The following CNTN4 variants were observed in gnomAD, a reference collection of about 807,000 sequenced individuals.
CNTN4 encodes the protein contactin-4.
In CNTN4, 77 loss-of-function variants were observed where a neutral mutation model predicts 122.5. The ratio of observed to expected loss-of-function variants is 0.63; its 90% confidence interval spans 0.52 to 0.76. CNTN4 has a LOEUF of 0.76. CNTN4 is among the 30% of genes least tolerant of loss of function. CNTN4 has a pLI of 0.00. For missense variants in CNTN4, 1,256 were observed against 1,259.1 expected (o/e 1.00, Z 0.04); for synonymous variants, 512 against 447.0 (o/e 1.15, Z -1.83).
At chr3:2,902,055 T>G (rs755440204) in intron 11 of CNTN4, among the ~76,000 whole-genome samples, 1 of 152,206 alleles carries the variant, frequency 6.6e-6, no homozygotes, top group African/African-American at 2.4e-5. Flanking sequence ...GGCTTGTTTC[T>G]TAATGTGAGG....
chr3:2,769,750 A>G (rs986410787), intron 6 of CNTN4, among the ~76,000 whole-genome samples: 2 of 152,198 alleles, frequency 1.3e-5, no homozygotes, highest in African/African-American at 2.4e-5. Flanking sequence ...CATACAGATG[A>G]TAGAATGGGT....
At chr3:3,042,244 C>A in intron 20 of CNTN4, 66 bp from the exon 21 acceptor site, 1 of 1,096,756 alleles carries the variant, frequency 9.1e-7, no homozygotes, top group Non-Finnish European at 1.4e-6. Flanking sequence ...CCTTATAATG[C>A]TAGTATCTAC....
chr3:2,901,357 C>T (rs1045663383), intron 11 of CNTN4, among the ~76,000 whole-genome samples: 1 of 152,188 alleles, frequency 6.6e-6, no homozygotes, highest in African/African-American at 2.4e-5. Flanking sequence ...GAGAGGCAGT[C>T]TTTCATGCTC....
At chr3:2,456,326 T>C (rs1255009911) in intron 3 of CNTN4, among the ~76,000 whole-genome samples, 1 of 152,158 alleles carries the variant, frequency 6.6e-6, no homozygotes, top group Non-Finnish European at 1.5e-5. Context: ...TTATGAATGT[T>C]ATCTCAAATT....
chr3:2,397,893 T>A (rs929313030), intron 3 of CNTN4, among the ~76,000 whole-genome samples: 15 of 152,150 alleles, frequency 9.9e-5, no homozygotes, highest in Admixed American at 2.0e-4. Context: ...TTAAATAGAT[T>A]ACATTTTTTA....
At chr3:2,483,725 C>A (rs1042424532) in intron 3 of CNTN4, among the ~76,000 whole-genome samples, 2 of 152,172 alleles carry the variant, frequency 1.3e-5, no homozygotes, top group African/African-American at 4.8e-5. Context: ...TCTCTCCTGC[C>A]ACCCTGTGAA....
rs182970179 is a variant in CNTN4, at chr3:2,587,916, A to C, written c.55+16358A>C. Among the ~76,000 whole-genome samples, 277 of 152,064 alleles carry C rather than the reference A, an allele frequency of 1.8e-3. 3 individuals carry two copies. The highest frequency in any genetic ancestry group is 6.5e-3 in the African/African-American group (269 of 41,460). ...CTGGTTTTGTGACTTTGATCAAATC[A>C]CTCTGCCTCTCAGGATTTCAGACTC... On this transcript the variant is annotated intron_variant, in intron 4 of 24. Transcript: ENST00000418658.
chr3:2,163,952 C>G (rs547791038), intron 2 of CNTN4, among the ~76,000 whole-genome samples: 22 of 151,890 alleles, frequency 1.4e-4, no homozygotes, highest in Non-Finnish European at 1.2e-4. Context: ...CCTTAAGGAA[C>G]TAAAAGAGAG....
At chr3:2,486,030 C>T (rs1010393704) in intron 3 of CNTN4, among the ~76,000 whole-genome samples, 4 of 152,118 alleles carry the variant, frequency 2.6e-5, no homozygotes, top group Non-Finnish European at 5.9e-5. Flanking sequence ...TCTTTGGGTC[C>T]ACACTGCCTT....
intron 4 of CNTN4, among the ~76,000 whole-genome samples, chr3:2,631,135 C>T (rs1346632066): frequency 6.6e-6 from 1 of 152,044 alleles, no homozygotes; most frequent in Admixed American, 6.6e-5. Context: ...GCTTTATTTC[C>T]ATATTTGTTA....
At chr3:2,440,300 A>G (rs2048388958) in intron 3 of CNTN4, among the ~76,000 whole-genome samples, 1 of 152,222 alleles carries the variant, frequency 6.6e-6, no homozygotes, top group Non-Finnish European at 1.5e-5. Flanking sequence ...CGGCAAAGGT[A>G]CGAGCTGATG....
intron 3 of CNTN4, among the ~76,000 whole-genome samples, chr3:2,538,591 C>G (rs1290471079): frequency 6.6e-6 from 1 of 151,950 alleles, no homozygotes; most frequent in African/African-American, 2.4e-5. Flanking sequence ...GTTAAAAATT[C>G]TGCAGAGTGG....
intron 3 of CNTN4, among the ~76,000 whole-genome samples, chr3:2,542,651 G>A (rs887775724): frequency 6.6e-6 from 1 of 152,088 alleles, no homozygotes; most frequent in African/African-American, 2.4e-5. Context: ...GTTTCAGGGT[G>A]GCAAGATCAA....
intron 6 of CNTN4, among the ~76,000 whole-genome samples, chr3:2,777,670 T>C (rs530568777): frequency 6.6e-6 from 1 of 152,358 alleles, no homozygotes; most frequent in Admixed American, 6.5e-5. Flanking sequence ...ATTCTTGGTT[T>C]ATTTGGGAGG....
At chr3:2,593,097 C>G (rs1295741267) in intron 4 of CNTN4, among the ~76,000 whole-genome samples, 1 of 152,112 alleles carries the variant, frequency 6.6e-6, no homozygotes, top group Non-Finnish European at 1.5e-5. Flanking sequence ...GTTGGATTTT[C>G]CCAACTAATT....
chr3:2,715,803 G>C (rs1373293847), intron 4 of CNTN4, among the ~76,000 whole-genome samples: 1 of 152,118 alleles, frequency 6.6e-6, no homozygotes, highest in Non-Finnish European at 1.5e-5. Context: ...ACAGTATCAT[G>C]TCAGACAAAG....
intron 12 of CNTN4, among the ~76,000 whole-genome samples, chr3:2,921,876 C>A (rs990891543): frequency 1.3e-5 from 2 of 152,000 alleles, no homozygotes; most frequent in Admixed American, 1.3e-4. Context: ...TGATATATGA[C>A]CAAAATTCAT....
chr3:2,418,408 A>C (rs2047495821), intron 3 of CNTN4, among the ~76,000 whole-genome samples: 1 of 152,204 alleles, frequency 6.6e-6, no homozygotes, highest in Non-Finnish European at 1.5e-5. Flanking sequence ...TAACTAAGAC[A>C]TAGGGTTCAA....
intron 3 of CNTN4, among the ~76,000 whole-genome samples, chr3:2,386,696 C>G (rs2046269041): frequency 6.6e-6 from 1 of 152,118 alleles, no homozygotes; most frequent in Non-Finnish European, 1.5e-5. Flanking sequence ...GCTAAGGGCA[C>G]ATTTTCCTCT....
Sources: allele counts gnomAD v4.1 joint callset (sites outside exome capture counted in the v4.1 genomes callset), GRCh38; gene constraint gnomAD v4.1.1; transcripts MANE v1.5; gene names NCBI Gene and HGNC (gene_info 2026-07-23, HGNC 2026-07-21).